Variants in ZNF385B observed in about 807,000 individuals in gnomAD.
The protein encoded by ZNF385B is zinc finger protein 385B.
Under a neutral mutation model 39.2 loss-of-function variants are expected in ZNF385B, and 23 were observed. The observed-to-expected ratio is 0.59, with a 90% CI of 0.42 to 0.83. ZNF385B has a LOEUF of 0.83. Ranked by LOEUF, ZNF385B falls within the 40% of genes least tolerant of loss-of-function variation. The pLI is 0.00. For synonymous variants in ZNF385B, 205 were observed against 222.6 expected, an observed-to-expected ratio of 0.92 and a Z score of 0.70; for missense variants, 552 against 598.9, an observed-to-expected ratio of 0.92 and a Z score of 0.82.
intron 6 of ZNF385B, among the ~76,000 whole-genome samples, chr2:179,452,184 G>A (rs189607144): frequency 6.6e-6 from 1 of 152,134 alleles, no homozygotes; most frequent in Non-Finnish European, 1.5e-5. Flanking sequence ...AGTGTCCTTG[G>A]GAAGTTCCAT....
rs116302914 is a variant in ZNF385B, at chr2:179,771,713, C to T, written c.-154-1041G>A. On this transcript the variant is annotated intron_variant, in intron 1 of 9. Coordinates refer to ENST00000410066, the MANE Select transcript of ZNF385B (RefSeq NM_152520.6). ...CATACACCTTAAGAAAATATCAGTG[C>T]CATATTAGTTATGTTCAAATATCTA... Among the ~76,000 whole-genome samples, 569 of 152,234 alleles carry T rather than the reference C, an allele frequency of 3.7e-3. 5 individuals carry two copies. The highest frequency in any genetic ancestry group is 0.013 in the African/African-American group (539 of 41,552).
chr2:179,599,577 T>A (rs1249096027), intron 3 of ZNF385B, among the ~76,000 whole-genome samples: 1 of 152,226 alleles, frequency 6.6e-6, no homozygotes, highest in Non-Finnish European at 1.5e-5. Context: ...TTAAAATATC[T>A]CCATTAAGTT....
At chr2:179,740,341 C>T (rs1702015619) in intron 3 of ZNF385B, among the ~76,000 whole-genome samples, 1 of 152,154 alleles carries the variant, frequency 6.6e-6, no homozygotes, top group South Asian at 2.1e-4. Flanking sequence ...GTCCCAGTGG[C>T]ATTTCAGAGT....
At chr2:179,474,661 C>T (rs556183513) in intron 6 of ZNF385B, among the ~76,000 whole-genome samples, 184 of 152,118 alleles carry the variant, frequency 1.2e-3, no homozygotes, top group Non-Finnish European at 2.3e-3. Flanking sequence ...TTATTTTTTG[C>T]ATATAAGTCT....
intron 3 of ZNF385B, among the ~76,000 whole-genome samples, chr2:179,707,278 G>A (rs1417672467): frequency 3.3e-5 from 5 of 152,250 alleles, no homozygotes; most frequent in Middle Eastern, 3.4e-3. Context: ...ACATGGGGGC[G>A]GAGAGTATTA....
At chr2:179,508,444 A>C (rs146258129) in intron 5 of ZNF385B, among the ~76,000 whole-genome samples, 1 of 152,132 alleles carries the variant, frequency 6.6e-6, no homozygotes, top group Non-Finnish European at 1.5e-5. Context: ...TCTTTTTCCA[A>C]CTCCCAAGTG....
intron 5 of ZNF385B, among the ~76,000 whole-genome samples, chr2:179,511,598 G>GA (rs1430395833): frequency 6.6e-6 from 1 of 152,160 alleles, no homozygotes; most frequent in Non-Finnish European, 1.5e-5. Context: ...GTCATTGAAC[G>GA]ACTGCAGTTT....
At chr2:179,680,164 T>G (rs758138608) in intron 3 of ZNF385B, among the ~76,000 whole-genome samples, 21 of 152,196 alleles carry the variant, frequency 1.4e-4, no homozygotes, top group Non-Finnish European at 2.5e-4. Context: ...AGAAAAATCA[T>G]GTGATCATCT....
At chr2:179,825,740 G>A (rs1472601603) in intron 1 of ZNF385B, among the ~76,000 whole-genome samples, 2 of 152,144 alleles carry the variant, frequency 1.3e-5, no homozygotes, top group Non-Finnish European at 2.9e-5. Flanking sequence ...TCATTACAGT[G>A]TTGTCAAGTC....
intron 4 of ZNF385B, among the ~76,000 whole-genome samples, chr2:179,533,722 TA>T (rs1333778853): frequency 6.6e-6 from 1 of 152,216 alleles, no homozygotes; most frequent in Non-Finnish European, 1.5e-5. Flanking sequence ...ATATATTGAT[TA>T]TTATGACTTA....
intron 1 of ZNF385B, among the ~76,000 whole-genome samples, chr2:179,816,197 G>C (rs566137222): frequency 6.6e-6 from 1 of 152,110 alleles, no homozygotes; most frequent in Non-Finnish European, 1.5e-5. Flanking sequence ...AAAAACCTTG[G>C]AATCATCAAC....
At chr2:179,822,307 C>A (rs1297208860) in intron 1 of ZNF385B, among the ~76,000 whole-genome samples, 1 of 152,200 alleles carries the variant, frequency 6.6e-6, no homozygotes, top group African/African-American at 2.4e-5. Flanking sequence ...GAGCTTAATA[C>A]ATCACTTCAC....
chr2:179,676,990 A>G (rs1004380315), intron 3 of ZNF385B, among the ~76,000 whole-genome samples: 1 of 152,222 alleles, frequency 6.6e-6, no homozygotes, highest in Non-Finnish European at 1.5e-5. Flanking sequence ...GAACACACAC[A>G]CGAAACACCA....
chr2:179,620,368 T>C (rs1690109784), intron 3 of ZNF385B, among the ~76,000 whole-genome samples: 1 of 152,184 alleles, frequency 6.6e-6, no homozygotes, highest in African/African-American at 2.4e-5. Flanking sequence ...TGTGATATCC[T>C]GAAAAAGATG....
intron 4 of ZNF385B, among the ~76,000 whole-genome samples, chr2:179,524,551 C>CAAAAAAAAGAA (rs1300764305): frequency 2.0e-4 from 12 of 60,990 alleles, no homozygotes; most frequent in Non-Finnish European, 2.7e-4. Flanking sequence ...GACTCCGTCT[C>CAAAAAAAAGAA]AAAAAAAAAA....
At chr2:179,525,759 T>A (rs1272121155) in intron 4 of ZNF385B, among the ~76,000 whole-genome samples, 1 of 152,206 alleles carries the variant, frequency 6.6e-6, no homozygotes, top group East Asian at 1.9e-4. Context: ...CCATAGGGTC[T>A]CAACAGAACT....
intron 3 of ZNF385B, among the ~76,000 whole-genome samples, chr2:179,616,830 G>A (rs1380046036): frequency 6.6e-6 from 1 of 151,938 alleles, no homozygotes; most frequent in Non-Finnish European, 1.5e-5. Context: ...CAAAATGCTG[G>A]GATTATAGGC....
chr2:179,809,082 T>TA (rs1706571913), intron 1 of ZNF385B, among the ~76,000 whole-genome samples: 1 of 152,240 alleles, frequency 6.6e-6, no homozygotes, highest in African/African-American at 2.4e-5. Context: ...AAGCTATGAT[T>TA]ACTGCCTCTA....
chr2:179,655,036 C>T (rs775548928), intron 3 of ZNF385B, among the ~76,000 whole-genome samples: 13 of 152,038 alleles, frequency 8.6e-5, no homozygotes, highest in Non-Finnish European at 1.6e-4. Context: ...TGTTTGTCTA[C>T]CCTGGAAAAC....
Sources: allele counts gnomAD v4.1 joint callset (sites outside exome capture counted in the v4.1 genomes callset), GRCh38; gene constraint gnomAD v4.1.1; transcripts MANE v1.5; gene names NCBI Gene and HGNC (gene_info 2026-07-23, HGNC 2026-07-21).